IDE: variants seen among roughly 807,000 people sequenced by gnomAD.
The protein encoded by IDE is insulin-degrading enzyme.
A neutral mutation model predicts 133.2 loss-of-function variants in IDE; 58 were observed. The ratio of observed to expected loss-of-function variants is 0.44; its 90% confidence interval spans 0.35 to 0.54. The LOEUF (loss-of-function observed/expected upper bound fraction) is 0.54, where lower values mean the gene tolerates loss of function less well. IDE is among the 20% of genes least tolerant of loss of function. IDE has a pLI of 0.00. For missense variants in IDE, 981 were observed against 1,234.0 expected (o/e 0.79, Z 3.07); for synonymous variants, 396 against 421.3 (o/e 0.94, Z 0.73).
At chr10:92,458,789 C>A (rs1018016483) in intron 22 of IDE, among the ~76,000 whole-genome samples, 18 of 151,938 alleles carry the variant, frequency 1.2e-4, no homozygotes, top group Non-Finnish European at 2.2e-4. Flanking sequence ...TGTGAACCAC[C>A]ACGCCCAGCC....
intron 24 of IDE, among the ~76,000 whole-genome samples, 180 bp downstream of exon 24, chr10:92,455,396 A>G (rs1248747485): frequency 1.3e-5 from 2 of 152,162 alleles, no homozygotes; most frequent in East Asian, 3.9e-4. Flanking sequence ...TAATTGCTTG[A>G]ACCCAAGAAG....
Position 92,506,479 on chromosome 10 carries a change from G to T in IDE, c.1289C>A (p.Pro430Gln). 2 of 1,596,722 alleles carry T rather than the reference G, an allele frequency of 1.3e-6. No homozygotes were observed. Among genetic ancestry groups the T allele is most frequent in the Non-Finnish European group, 1.7e-6 (2 of 1,166,148 alleles). Residue 430 changes from proline to glutamine, a missense_variant, in exon 10 of 25, where the codon CCA (proline) becomes CAA (glutamine). Pro to Gln is a moderately conservative substitution (Grantham distance 76, BLOSUM62 -1). Transcript: ENST00000265986. The stretch of plus-strand genomic sequence containing the variant: ...TGCAATCTTAGATGTATAGCCCCGT[G>T]GCCTCTCTTTGTCTTTAAACCTAAA... Reference protein sequence around the residue: ...VAFRFKDKERPRGYTSKIAGI... With the variant: ...VAFRFKDKERQRGYTSKIAGI...
chr10:92,469,746 C>T lies in IDE; in HGVS notation c.2208+508G>A, dbSNP rs780028082. On this transcript the variant is annotated intron_variant, in intron 18 of 24. Coordinates refer to ENST00000265986, the MANE Select transcript of IDE (RefSeq NM_004969.4). ...TGAGGGATCTTGAGACAGACTGCCA[C>T]GGAAATTTTGTAGTGCTTTCCATGT... Among the ~76,000 whole-genome samples the T allele has an allele frequency of 3.6e-4, 55 of 152,166 alleles. 1 individual carries two copies. Among genetic ancestry groups the T allele is most frequent in the Admixed American group, 7.9e-4 (12 of 15,266 alleles).
intron 1 of IDE, among the ~76,000 whole-genome samples, chr10:92,540,200 G>A (rs890207228): frequency 6.6e-6 from 1 of 151,298 alleles, no homozygotes; most frequent in Non-Finnish European, 1.5e-5. Flanking sequence ...CCAAGATCAT[G>A]CCACTGCACT....
chr10:92,478,088 G>A (rs1262870891), intron 15 of IDE, among the ~76,000 whole-genome samples: 1 of 152,176 alleles, frequency 6.6e-6, no homozygotes, highest in African/African-American at 2.4e-5. Flanking sequence ...TGTTAACTCG[G>A]AATTGAGATA....
Position 92,471,857 on chromosome 10 carries a change from C to A in IDE, c.2117-1512G>T, listed in dbSNP as rs376308671. ...AGGAATGCAGGCATGCACCACCACG[C>A]CTGGCTAATTTTTGTATTTTTTGTA... On this transcript the variant is annotated intron_variant, in intron 17 of 24. Coordinates refer to ENST00000265986, the MANE Select transcript of IDE (RefSeq NM_004969.4). Among the ~76,000 whole-genome samples, 256 of 152,250 alleles carry A rather than the reference C, an allele frequency of 1.7e-3. 1 individual carries two copies. The highest frequency in any genetic ancestry group is 6.8e-3 in the Middle Eastern group (2 of 294).
At position 92,461,255 on chromosome 10, in the gene IDE, G is replaced by A. The variant is rs764057888; in HGVS notation, c.2762-3C>T. On this transcript the variant is annotated splice_polypyrimidine_tract_variant and splice_region_variant and intron_variant, in intron 21 of 24. Transcript: ENST00000265986. ...TAAATATGCAACCTCAGTGTTATCT[G>A]AAAAAGTAATCAAACAATATTTTAC... 1.4e-6 allele frequency: 2 copies of A among 1,399,480 alleles called. No homozygotes were observed. The highest frequency in any genetic ancestry group is 1.4e-5 in the African/African-American group (1 of 71,136). 86.7% of individuals were successfully genotyped at this position (1,399,480 alleles called of 1,614,324 possible). A position where few individuals can be genotyped will look rare whatever the true frequency, so the allele number is the denominator to read the frequency against.
At chr10:92,532,310 GT>G (rs1849983259) in intron 3 of IDE, among the ~76,000 whole-genome samples, 1 of 150,812 alleles carries the variant, frequency 6.6e-6, no homozygotes, top group Non-Finnish European at 1.5e-5. Flanking sequence ...GCAGGTCATA[GT>G]TTTTAGGCCA....
intron 14 of IDE, among the ~76,000 whole-genome samples, chr10:92,482,378 G>A (rs1846665722): frequency 1.3e-5 from 2 of 152,188 alleles, no homozygotes; most frequent in African/African-American, 2.4e-5. Flanking sequence ...AAGGTGCACT[G>A]AGAAATTACT....
In IDE at chr10:92,504,914, T is replaced by A; in HGVS notation, c.1327-17A>T. On this transcript the variant is annotated splice_polypyrimidine_tract_variant and intron_variant, in intron 10 of 24. Coordinates refer to ENST00000265986, the MANE Select transcript of IDE (RefSeq NM_004969.4). Reference sequence around the variant, plus strand: ...GGGATAATACTTTTAAAAAGGAAAATATAAATAAATAAAATATACAAAGCT... The same window carrying A: ...GGGATAATACTTTTAAAAAGGAAAAAATAAATAAATAAAATATACAAAGCT... 1 of 1,146,632 alleles carries A rather than the reference T, an allele frequency of 8.7e-7. No homozygotes were observed. Among genetic ancestry groups the A allele is most frequent in the Non-Finnish European group, 1.3e-6 (1 of 793,664 alleles). The allele number at this position is 1,146,632 out of a possible 1,614,324, so 71.0% of individuals were successfully genotyped here. A position where few individuals can be genotyped will look rare whatever the true frequency, so the allele number is the denominator to read the frequency against.
At chr10:92,561,098 A>C (rs1033131206) in intron 1 of IDE, among the ~76,000 whole-genome samples, 5 of 151,618 alleles carry the variant, frequency 3.3e-5, no homozygotes, top group Admixed American at 6.6e-5. Context: ...CTACTAAAAA[A>C]ATACAAACAT....
chr10:92,472,742 G>A (rs377006965), intron 17 of IDE, among the ~76,000 whole-genome samples: 4 of 148,474 alleles, frequency 2.7e-5, no homozygotes, highest in Admixed American at 6.8e-5. Flanking sequence ...GGGTTCAAGC[G>A]ATTCTCCTGC....
At chr10:92,462,094 T>C (rs1277142617) in intron 21 of IDE, among the ~76,000 whole-genome samples, 1 of 151,932 alleles carries the variant, frequency 6.6e-6, no homozygotes, top group Non-Finnish European at 1.5e-5. Flanking sequence ...GGTAGGTGGA[T>C]CACTCGAGGC....
chr10:92,479,252 A>C, intron 15 of IDE, 25 bp downstream of exon 15: 1 of 1,532,968 alleles, frequency 6.5e-7, no homozygotes, highest in Non-Finnish European at 8.9e-7. Flanking sequence ...TGATGAGTGG[A>C]AGGCTCTAAG....
chr10:92,524,313 A>ATATATTATTATATATATTATATTG (rs1849396699), intron 4 of IDE, among the ~76,000 whole-genome samples: 1 of 93,174 alleles, frequency 1.1e-5, no homozygotes, highest in Admixed American at 1.9e-4. Flanking sequence ...TCAAAAAAAT[A>ATATATTATTATATATATTATATTG]TATATAATAT....
rs941547327 is a variant in IDE, at chr10:92,477,665, C to T, written c.1884+1612G>A. On this transcript the variant is annotated intron_variant, in intron 15 of 24. Coordinates refer to ENST00000265986, the MANE Select transcript of IDE (RefSeq NM_004969.4). ...AGGCCACTGGCCACGGCAAGCACAT[C>T]ATTTTTCCTACTGTAGGAACTAGAC... Among the ~76,000 whole-genome samples the T allele has an allele frequency of 2.0e-5, 3 of 152,188 alleles. No homozygotes were observed. The East Asian group carries it at 5.8e-4, about 29-fold the overall frequency.
Position 92,555,983 on chromosome 10 carries a change from C to A in IDE, c.98+17939G>T, listed in dbSNP as rs1201175931. 1.3e-4 allele frequency among the ~76,000 whole-genome samples: 19 copies of A among 151,462 alleles called. No homozygotes were observed. In the East Asian group the frequency reaches 3.1e-3, roughly 25 times the overall value. ...GGTCAGGAGATCGAGACCATCCTGG[C>A]TAACAAGGTGAAACCCCGTCTCTAC... On this transcript the variant is annotated intron_variant, in intron 1 of 24. Transcript: ENST00000265986.
chr10:92,455,747 C>G, intron 23 of IDE, 104 bp from the exon 24 acceptor site: 1 of 675,826 alleles, frequency 1.5e-6, no homozygotes, highest in South Asian at 1.9e-5. Flanking sequence ...AACACCGCAC[C>G]AGCCCCGTTC....
rs773095521 is a variant in IDE, at chr10:92,537,532, G to C, written c.117C>G (p.Tyr39Ter). 4 of 1,592,906 alleles carry C rather than the reference G, an allele frequency of 2.5e-6. No homozygotes were observed. The highest frequency in any genetic ancestry group is 2.3e-5 in the South Asian group (2 of 86,456). Residue 39 changes from tyrosine to a stop codon, truncating the protein, a stop_gained, in exon 2 of 25, where the codon TAC (tyrosine) becomes TAG (stop). Transcript: ENST00000265986. LOFTEE classifies it high-confidence loss of function. Reference sequence around the variant, plus strand: ...TGATGGCTGGATTATTCATTTTGCTGTAAGTCTTTTTTTGGAAACTGAAAA... The same window carrying C: ...TGATGGCTGGATTATTCATTTTGCTCTAAGTCTTTTTTTGGAAACTGAAAA... The part of the protein sequence containing the change: ...ERLCGFQKKT[Y>*]SKMNNPAIKR...
Sources: gnomAD v4.1 joint callset for allele counts (sites outside exome capture counted in the v4.1 genomes callset) on GRCh38, gnomAD v4.1.1 for gene constraint, MANE v1.5 for transcripts, NCBI Gene and HGNC (gene_info 2026-07-23, HGNC 2026-07-21) for gene names.